The following PCDHGA11 variants were observed in gnomAD, a reference collection of about 807,000 sequenced individuals.
The protein encoded by PCDHGA11 is protocadherin gamma-A11.
A neutral mutation model predicts 60.4 loss-of-function variants in PCDHGA11; 39 were observed. That is an observed-to-expected ratio of 0.65 (90% CI 0.50 to 0.84). The LOEUF (loss-of-function observed/expected upper bound fraction) is 0.84. Among genes scored for constraint, PCDHGA11 ranks in the 40% least tolerant of loss-of-function variants. The pLI, the probability that PCDHGA11 is intolerant of heterozygous loss-of-function variation, is 0.00. For missense variants in PCDHGA11, 1,165 were observed against 1,197.7 expected (o/e 0.97, Z 0.40); for synonymous variants, 533 against 510.3 (o/e 1.04, Z -0.60).
chr5:141,468,443 G>A (rs760789357), intron 1 of PCDHGA11: 6 of 152,124 alleles, frequency 3.9e-5, no homozygotes, highest in Non-Finnish European at 8.8e-5. Context: ...AAATGTGGGT[G>A]CAAAATTAAA....
chr5:141,497,540 C>CA (rs1491509812), intron 2 of PCDHGA11, among the ~76,000 whole-genome samples: 7 of 134,922 alleles, frequency 5.2e-5, no homozygotes, highest in Admixed American at 1.5e-4. Flanking sequence ...TGCAACAAAC[C>CA]TTTTTTTTTT....
rs781580216 is a variant in PCDHGA11 at position 141,430,931 on chromosome 5, G to A, written c.2433+7271G>A. The stretch of plus-strand genomic sequence containing the variant: ...CAGGGACCTGGGGCTGGAGCCCCGG[G>A]AGCTCGCGGAGCGCGGAGTCCGCAT... On this transcript the variant is annotated intron_variant, in intron 1 of 3. Coordinates refer to ENST00000398587, the MANE Select transcript of PCDHGA11 (RefSeq NM_018914.3). The A allele has an allele frequency of 1.5e-5, 24 of 1,607,530 alleles. No individual in the cohort carries two copies. In the East Asian group the frequency reaches 4.9e-4, roughly 33 times the overall value.
At chr5:141,455,583 A>G (rs1485134189) in intron 1 of PCDHGA11, among the ~76,000 whole-genome samples, 4 of 152,144 alleles carry the variant, frequency 2.6e-5, no homozygotes, top group Non-Finnish European at 2.9e-5. Context: ...CCAGCCTTTT[A>G]ATATGCAAAC....
At chr5:141,495,286 A>T (rs1341490472) in intron 2 of PCDHGA11, among the ~76,000 whole-genome samples, 2 of 152,088 alleles carry the variant, frequency 1.3e-5, no homozygotes, top group Non-Finnish European at 2.9e-5. Context: ...GGCGGTCCGC[A>T]CTCAGCGCCT....
intron 1 of PCDHGA11, chr5:141,430,990 GA>G (rs1185464233): frequency 1.2e-6 from 2 of 1,613,970 alleles, no homozygotes; most frequent in East Asian, 4.5e-5. Context: ...TTTTCGCCCT[GA>G]ATCCGCGCAG....
chr5:141,472,371 C>G (rs2099278632), intron 1 of PCDHGA11, among the ~76,000 whole-genome samples: 1 of 151,944 alleles, frequency 6.6e-6, no homozygotes, highest in Admixed American at 6.6e-5. Flanking sequence ...GAAACCCCGT[C>G]TCCACTAAAA....
rs200931939 is a variant in PCDHGA11, at chr5:141,423,096, C to T, written c.1869C>T (p.His623=). The change falls in exon 1 of 4, where the codon CAC becomes CAT. Residue 623 remains histidine (H), a synonymous_variant. Transcript: ENST00000398587. The part of the protein sequence containing the change: ...SEPGLFAVGE[H]TGEVRTARAL... Reference sequence around the variant, plus strand: ...CGGGACTCTTCGCGGTGGGGGAGCACACGGGCGAGGTGCGTACAGCGCGGG... The same window carrying T: ...CGGGACTCTTCGCGGTGGGGGAGCATACGGGCGAGGTGCGTACAGCGCGGG... The T allele has an allele frequency of 3.8e-5, 61 of 1,613,974 alleles. No individual in the cohort carries two copies. In the East Asian group the frequency reaches 1.3e-3, roughly 35 times the overall value.
intron 1 of PCDHGA11, chr5:141,423,883 A>T (rs1211746978): frequency 1.6e-6 from 2 of 1,283,342 alleles, no homozygotes; most frequent in Admixed American, 7.5e-5. Context: ...CAATCTTGGC[A>T]TATTTTCTTT....
rs745796529 is a variant in PCDHGA11 at position 141,423,626 on chromosome 5, T to C, written c.2399T>C (p.Ile800Thr). ...EPLLIAEDSA[I>T]ILGKCDPTSN... ...CTCTTGATAGCTGAAGACTCAGCTA[T>C]CATTTTAGGCAAATGTGACCCGACA... Residue 800 changes from isoleucine (I) to threonine (T), a missense_variant, in exon 1 of 4, where the codon ATC becomes ACC. By Grantham distance (89) the Ile-to-Thr change is moderately conservative. Coordinates refer to ENST00000398587, the MANE Select transcript of PCDHGA11 (RefSeq NM_018914.3). 6.2e-7 allele frequency: 1 copy of C among 1,606,498 alleles called. No homozygotes were observed. Among genetic ancestry groups the C allele is most frequent in the South Asian group, 1.1e-5 (1 of 89,882 alleles).
chr5:141,466,118 G>A lies in PCDHGA11; in HGVS notation c.2434-28689G>A, dbSNP rs1299389265. ...GCCTGGGCAACAGAGTGAGACTCCA[G>A]CTCAAAAAAAAAATCAAGTGAAAAC... On this transcript the variant is annotated intron_variant, in intron 1 of 3. Coordinates refer to ENST00000398587, the MANE Select transcript of PCDHGA11 (RefSeq NM_018914.3). Among the ~76,000 whole-genome samples the A allele has an allele frequency of 2.0e-5, 3 of 151,096 alleles. No individual in the cohort carries two copies. The East Asian group carries it at 5.8e-4, about 29-fold the overall frequency.
chr5:141,507,559 G>T (rs542787142), intron 3 of PCDHGA11, among the ~76,000 whole-genome samples: 1 of 152,368 alleles, frequency 6.6e-6, no homozygotes, highest in African/African-American at 2.4e-5. Flanking sequence ...GTGGCAGGCG[G>T]CTGGGTCTGA....
intron 1 of PCDHGA11, among the ~76,000 whole-genome samples, chr5:141,435,652 G>A (rs978809372): frequency 3.9e-5 from 6 of 152,226 alleles, no homozygotes; most frequent in East Asian, 1.9e-4. Flanking sequence ...TTTCTGAAAC[G>A]TGCACAGATT....
chr5:141,495,702 T>C (rs1462896403), intron 2 of PCDHGA11, among the ~76,000 whole-genome samples: 3 of 152,212 alleles, frequency 2.0e-5, no homozygotes, highest in Non-Finnish European at 4.4e-5. Context: ...TCAATAAATG[T>C]GGAGTGAGTA....
rs2099417434 is a variant in PCDHGA11, at chr5:141,477,762, C to T, written c.2434-17045C>T. 1 of 1,613,968 alleles carries T rather than the reference C, an allele frequency of 6.2e-7. No homozygotes were observed. The highest frequency in any genetic ancestry group is 8.5e-7 in the Non-Finnish European group (1 of 1,180,032). On this transcript the variant is annotated intron_variant, in intron 1 of 3. Transcript: ENST00000398587. This position sits in a 1 kb window ranked among gnomAD's most constrained non-coding sequence, Gnocchi z 4.9. ...GATGGGGGCACCCCGGTCCTAGCCA[C>T]CAACATCAGCGTGAACATATTTGTC...
intron 1 of PCDHGA11, among the ~76,000 whole-genome samples, chr5:141,445,711 G>A (rs978623618): frequency 1.3e-5 from 2 of 152,202 alleles, no homozygotes; most frequent in African/African-American, 4.8e-5. Context: ...TTGTCAGGCA[G>A]AGGAAATAGC....
intron 1 of PCDHGA11, chr5:141,428,587 G>T: frequency 4.4e-6 from 1 of 226,768 alleles, no homozygotes; most frequent in Non-Finnish European, 8.9e-6. Context: ...AGTTTCTCTG[G>T]TAGCAAGCTT....
Position 141,424,000 on chromosome 5 carries a change from A to G in PCDHGA11, c.2433+340A>G, listed in dbSNP as rs2096794510. On this transcript the variant is annotated intron_variant, in intron 1 of 3. Coordinates refer to ENST00000398587, the MANE Select transcript of PCDHGA11 (RefSeq NM_018914.3). ...ATGAGGCTCTCAATTTATTATATAT[A>G]GATACAAATTAATGATTCACAAACA... 5 of 1,076,368 alleles carry G rather than the reference A, an allele frequency of 4.6e-6. No homozygotes were observed. In the South Asian group the frequency reaches 1.4e-4, roughly 30 times the overall value. 66.7% of individuals were successfully genotyped at this position (1,076,368 alleles called of 1,614,324 possible).
At chr5:141,510,682 G>C (rs1014890367) in intron 3 of PCDHGA11, among the ~76,000 whole-genome samples, 2 of 152,154 alleles carry the variant, frequency 1.3e-5, no homozygotes, top group Non-Finnish European at 2.9e-5. Context: ...GTGGCATAAG[G>C]AGGTTAGGTA....
chr5:141,454,567 C>G (rs572130062), intron 1 of PCDHGA11, among the ~76,000 whole-genome samples: 1 of 150,856 alleles, frequency 6.6e-6, no homozygotes, highest in Non-Finnish European at 1.5e-5. Flanking sequence ...CCACCACGCC[C>G]GGCTAATTTT....
Sources: allele counts gnomAD v4.1 joint callset (sites outside exome capture counted in the v4.1 genomes callset), GRCh38; gene constraint gnomAD v4.1.1; non-coding constraint Gnocchi (gnomAD v3.1); transcripts MANE v1.5; gene names NCBI Gene and HGNC (gene_info 2026-07-23, HGNC 2026-07-21).